ZCCHC17: variants seen among roughly 807,000 people sequenced by gnomAD.
ZCCHC17 encodes the protein zinc finger CCHC-type containing 17, also known as zinc finger CCHC domain-containing protein 17.
A neutral mutation model predicts 30.6 loss-of-function variants in ZCCHC17; 18 were observed. The ratio of observed to expected loss-of-function variants is 0.59; its 90% confidence interval spans 0.41 to 0.87. ZCCHC17 has a LOEUF of 0.87. Among genes scored for constraint, ZCCHC17 ranks in the 40% least tolerant of loss-of-function variants. The pLI is 0.00. For synonymous variants in ZCCHC17, 88 were observed against 92.4 expected, an observed-to-expected ratio of 0.95 and a Z score of 0.27; for missense variants, 263 against 284.2, an observed-to-expected ratio of 0.93 and a Z score of 0.54.
At chr1:31,310,240 C>T (rs1206149273) in intron 2 of ZCCHC17, 76 bp downstream of exon 2, 1 of 1,488,764 alleles carries the variant, frequency 6.7e-7, no homozygotes, top group Non-Finnish European at 9.3e-7. Flanking sequence ...TTTGTTGTTC[C>T]TGTCCACTTA....
chr1:31,342,056 G>A (rs1639067664), intron 5 of ZCCHC17, among the ~76,000 whole-genome samples: 1 of 151,962 alleles, frequency 6.6e-6, no homozygotes, highest in African/African-American at 2.4e-5. Flanking sequence ...TATTCATTTA[G>A]TTTTTTTGAG....
At chr1:31,327,751 T>C (rs1033577160) in intron 3 of ZCCHC17, among the ~76,000 whole-genome samples, 3 of 152,166 alleles carry the variant, frequency 2.0e-5, no homozygotes, top group Non-Finnish European at 2.9e-5. Context: ...AATTTTGATA[T>C]GCCAGAGAGA....
At chr1:31,309,986 A>G in intron 1 of ZCCHC17, 58 bp from the exon 2 acceptor site, 1 of 935,224 alleles carries the variant, frequency 1.1e-6, no homozygotes, top group Non-Finnish European at 1.7e-6. Context: ...GATTGTCTGC[A>G]TATTCATTTC....
chr1:31,352,695 C>T (rs1241521981), intron 7 of ZCCHC17, among the ~76,000 whole-genome samples: 1 of 152,188 alleles, frequency 6.6e-6, no homozygotes, highest in Non-Finnish European at 1.5e-5. Context: ...AGTCTTCCCA[C>T]CTTGGCCTCC....
intron 5 of ZCCHC17, among the ~76,000 whole-genome samples, chr1:31,344,790 A>G (rs1305899890): frequency 2.0e-5 from 3 of 152,184 alleles, no homozygotes; most frequent in Admixed American, 1.3e-4. Flanking sequence ...AGATAGGTGA[A>G]AGCAAAAACC....
At chr1:31,327,673 T>C (rs544640065) in intron 3 of ZCCHC17, among the ~76,000 whole-genome samples, 14 of 152,198 alleles carry the variant, frequency 9.2e-5, no homozygotes, top group Admixed American at 2.0e-4. Flanking sequence ...CGACTGCTGT[T>C]GCAGTGCTTG....
rs559243658 is a variant in ZCCHC17, at chr1:31,319,093, T to C, written c.67-16T>C. 71 of 1,601,630 alleles carry C rather than the reference T, an allele frequency of 4.4e-5. No homozygotes were observed. The highest frequency in any genetic ancestry group is 9.4e-5 in the African/African-American group (7 of 74,620). The stretch of plus-strand genomic sequence containing the variant: ...CTCATGTATGTGACATTGATTTTTT[T>C]CCCCCATCTTTATAGGTTGCTATGG... On this transcript the variant is annotated splice_polypyrimidine_tract_variant and intron_variant, in intron 2 of 7. Transcript: ENST00000344147.
chr1:31,341,226 G>A (rs1639036151), intron 5 of ZCCHC17, among the ~76,000 whole-genome samples: 1 of 152,136 alleles, frequency 6.6e-6, no homozygotes, highest in South Asian at 2.1e-4. Flanking sequence ...GCTGATTATT[G>A]ACAAAATACT....
chr1:31,328,292 C>T (rs571946699), intron 3 of ZCCHC17, among the ~76,000 whole-genome samples: 7 of 152,140 alleles, frequency 4.6e-5, no homozygotes, highest in South Asian at 2.1e-4. Context: ...GTAGGTGGAT[C>T]GCTTGAGCTC....
chr1:31,327,410 A>G (rs1005874071), intron 3 of ZCCHC17, among the ~76,000 whole-genome samples: 2 of 152,248 alleles, frequency 1.3e-5, no homozygotes, highest in Non-Finnish European at 2.9e-5. Context: ...TCAGGAAAAC[A>G]CTTTACAGTA....
Position 31,345,545 on chromosome 1 carries a change from T to TA in ZCCHC17, c.318-1095_318-1094insA, listed in dbSNP as rs1557452297. On this transcript the variant is annotated intron_variant, in intron 5 of 7. Transcript: ENST00000344147. ...GTGAGCTGTATACTTATGACAGACA[T>TA]TTATATATATATATATAATATAATA... Among the ~76,000 whole-genome samples, 4 of 1,798 alleles carry TA rather than the reference T, an allele frequency of 2.2e-3. No homozygotes were observed. In the East Asian group the frequency reaches 0.058, roughly 26 times the overall value. The allele number at this position is 1,798 out of a possible 152,430, so 1.2% of individuals were successfully genotyped here.
In ZCCHC17 at chr1:31,349,933, G is replaced by A. The variant is rs543598107; in HGVS notation, c.564+959G>A. On this transcript the variant is annotated intron_variant, in intron 7 of 7. Transcript: ENST00000344147. ...GGATAAATTCCTAAGTAAGATTACTGAGTTAGGGCTTTAACGCTCTTGATA... is the reference window on the plus strand; with the variant it reads ...GGATAAATTCCTAAGTAAGATTACTAAGTTAGGGCTTTAACGCTCTTGATA... 3.9e-5 allele frequency among the ~76,000 whole-genome samples: 6 copies of A among 152,214 alleles called. No homozygotes were observed. In the East Asian group the frequency reaches 7.7e-4, roughly 20 times the overall value.
At chr1:31,355,172 C>G (rs1639599853) in intron 7 of ZCCHC17, among the ~76,000 whole-genome samples, 1 of 89,010 alleles carries the variant, frequency 1.1e-5, no homozygotes, top group African/African-American at 3.0e-5. Context: ...GAGACTCCAT[C>G]TCAATTAAAA....
In ZCCHC17 at chr1:31,340,342, AGTTTCACTCTT is replaced by A. The variant is rs1304014225; in HGVS notation, c.317+1298_317+1308del. On this transcript the variant is annotated intron_variant, in intron 5 of 7. Coordinates refer to ENST00000344147, the MANE Select transcript of ZCCHC17 (RefSeq NM_016505.4). The stretch of plus-strand genomic sequence containing the variant: ...TTTTTTTTTTTTTTTTTTTGAGACA[AGTTTCACTCTT>A]GTTGCCCAGGCCGGAGTGCAATGGC... Among the ~76,000 whole-genome samples the A allele has an allele frequency of 1.5e-4, 16 of 108,230 alleles. No homozygotes were observed. In the East Asian group the frequency reaches 3.6e-3, roughly 25 times the overall value. 71.0% of individuals were successfully genotyped at this position (108,230 alleles called of 152,430 possible). A position where few individuals can be genotyped will look rare whatever the true frequency, so the allele number is the denominator to read the frequency against.
intron 7 of ZCCHC17, among the ~76,000 whole-genome samples, chr1:31,357,557 G>GGGTCGATTGA (rs1639687867): frequency 6.6e-6 from 1 of 152,150 alleles, no homozygotes; most frequent in Admixed American, 6.6e-5. Flanking sequence ...TATCTTCATG[G>GGGTCGATTGA]CACTTAGATT....
chr1:31,334,369 G>C (rs1433329305), intron 3 of ZCCHC17, among the ~76,000 whole-genome samples: 6 of 150,280 alleles, frequency 4.0e-5, no homozygotes, highest in African/African-American at 1.5e-4. Context: ...GTGTGTGTGT[G>C]TGTGTGTGTG....
intron 1 of ZCCHC17, among the ~76,000 whole-genome samples, chr1:31,307,579 GT>G (rs754266433): frequency 9.1e-4 from 123 of 135,224 alleles, no homozygotes; most frequent in Admixed American, 1.3e-3. Flanking sequence ...GATTTTTGTT[GT>G]TTTTTTTTTT....
chr1:31,344,178 A>T (rs1639156982), intron 5 of ZCCHC17, among the ~76,000 whole-genome samples: 1 of 151,788 alleles, frequency 6.6e-6, no homozygotes, highest in Non-Finnish European at 1.5e-5. Flanking sequence ...TTTTGTAGAG[A>T]TGACGTCTTG....
intron 3 of ZCCHC17, among the ~76,000 whole-genome samples, chr1:31,333,847 T>C (rs1638692510): frequency 6.6e-6 from 1 of 152,182 alleles, no homozygotes; most frequent in Non-Finnish European, 1.5e-5. Flanking sequence ...AAGAATAGTG[T>C]TCCCTCAAGT....
Sources: allele counts gnomAD v4.1 joint callset (sites outside exome capture counted in the v4.1 genomes callset), GRCh38; gene constraint gnomAD v4.1.1; transcripts MANE v1.5; gene names NCBI Gene and HGNC (gene_info 2026-07-23, HGNC 2026-07-21).